METTL22: variants seen among roughly 807,000 people sequenced by gnomAD.
METTL22 encodes the protein methyltransferase 22, Kin17 lysine, also known as methyltransferase-like protein 22.
Under a neutral mutation model 48.4 loss-of-function variants are expected in METTL22, and 51 were observed. That is an observed-to-expected ratio of 1.05 (90% CI 0.84 to 1.33). METTL22 has a LOEUF of 1.33. Among genes scored for constraint, METTL22 ranks in the 40% most tolerant of loss-of-function variants. The pLI, the probability that METTL22 is intolerant of heterozygous loss-of-function variation, is 0.00. For missense variants in METTL22, 678 were observed against 526.9 expected (o/e 1.29, Z -2.81); for synonymous variants, 255 against 214.1 (o/e 1.19, Z -1.67).
intron 10 of METTL22, chr16:8,645,762 T>G: frequency 9.4e-6 from 3 of 320,386 alleles, no homozygotes; most frequent in Non-Finnish European, 1.5e-5. Context: ...GGCAACAGAA[T>G]GAGATCCTGT....
chr16:8,648,524 G>GC lies in METTL22; in HGVS notation c.*2381_*2382insC, dbSNP rs1596375665. 1 of 152,400 alleles carries GC rather than the reference G, an allele frequency of 6.6e-6. No individual in the cohort carries two copies. Among genetic ancestry groups the GC allele is most frequent in the East Asian group, 1.9e-4 (1 of 5,184 alleles). The allele number at this position is 152,400 out of a possible 1,614,324, so 9.4% of individuals were successfully genotyped here. On this transcript the variant is annotated 3_prime_UTR_variant, in exon 11 of 11. Transcript: ENST00000381920. ...TGCCTGTAATCCCAGCTACTTGGGA[G>GC]GCTGAGGCAGGAGAATCACTTGAAC...
At chr16:8,664,185 T>C in the METTL22 span, among the ~76,000 whole-genome samples, 1 of 151,964 alleles carries the variant, frequency 6.6e-6, no homozygotes, top group Non-Finnish European at 1.5e-5. Context: ...GCTCCTGGAC[T>C]CAAGCGATTC....
Position 8,625,509 on chromosome 16 carries a change from C to A in METTL22, c.-157C>A. On this transcript the variant is annotated 5_prime_UTR_variant, in exon 2 of 11. Coordinates refer to ENST00000381920, the MANE Select transcript of METTL22 (RefSeq NM_024109.4). ...ATTAATTTCCAGCTGGATTCTCTTC[C>A]CTGGCCAAGTCTCTGAGATCTTCTC... 1.9e-6 allele frequency: 1 copy of A among 525,972 alleles called. No homozygotes were observed. The highest frequency in any genetic ancestry group is 3.2e-6 in the Non-Finnish European group (1 of 311,054). 32.6% of individuals were successfully genotyped at this position (525,972 alleles called of 1,614,324 possible).
intron 5 of METTL22, among the ~76,000 whole-genome samples, chr16:8,637,983 C>CAAA (rs56246164): frequency 0.011 from 1,567 of 142,724 alleles, 17 homozygotes; most frequent in Non-Finnish European, 0.014. Flanking sequence ...ACTAAAAATA[C>CAAA]AAAAAAAAAA....
intron 3 of METTL22, among the ~76,000 whole-genome samples, chr16:8,633,961 T>C (rs888243675): frequency 2.6e-5 from 4 of 152,256 alleles, no homozygotes; most frequent in Non-Finnish European, 5.9e-5. Flanking sequence ...GAAGGAACTT[T>C]GCATCAGGTG....
At chr16:8,660,423 C>A in the METTL22 span, among the ~76,000 whole-genome samples, 2 of 152,088 alleles carry the variant, frequency 1.3e-5, no homozygotes, top group African/African-American at 4.8e-5. Flanking sequence ...AAGTGATCCG[C>A]CTGCTTCGGC....
chr16:8,635,055 G>C lies in METTL22; in HGVS notation c.531G>C (p.Thr177=). The change falls in exon 4 of 11, where the codon ACG becomes ACC. Residue 177 remains threonine, a synonymous_variant. Coordinates refer to ENST00000381920, the MANE Select transcript of METTL22 (RefSeq NM_024109.4). ...DIIRIEHTMA[T]PLEDVGKQVW... ...CCCATCCAGAGCACACCATGGCCAC[G>C]CCCCTGGAGGATGTTGGCAAGCAGG... 2 of 1,613,706 alleles carry C rather than the reference G, an allele frequency of 1.2e-6. No individual in the cohort carries two copies. Among genetic ancestry groups the C allele is most frequent in the Non-Finnish European group, 1.7e-6 (2 of 1,180,036 alleles).
intron 4 of METTL22, 43 bp from the exon 5 acceptor site, chr16:8,635,125 A>G: frequency 6.2e-7 from 1 of 1,613,958 alleles, no homozygotes; most frequent in Non-Finnish European, 8.5e-7. Flanking sequence ...GGGTCCCTGC[A>G]GAGCCTCACG....
At chr16:8,660,318 C>T in the METTL22 span, among the ~76,000 whole-genome samples, 12 of 152,052 alleles carry the variant, frequency 7.9e-5, no homozygotes, top group South Asian at 1.9e-3. Context: ...GAACTACAAG[C>T]GCACACCACC....
In METTL22 at chr16:8,628,976, G is replaced by A. The variant is rs201073068; in HGVS notation, c.380G>A (p.Arg127Lys). 2 of 1,613,954 alleles carry A rather than the reference G, an allele frequency of 1.2e-6. No individual in the cohort carries two copies. The highest frequency in any genetic ancestry group is 2.7e-5 in the African/African-American group (2 of 74,926). Reference sequence around the variant, plus strand: ...GATGGGGATTTGGACGTGGTGAGAAGACCACGAGCCGCCTCTGATTCCAAC... The same window carrying A: ...GATGGGGATTTGGACGTGGTGAGAAAACCACGAGCCGCCTCTGATTCCAAC... Reference protein sequence around the residue: ...DEDGDLDVVRRPRAASDSNPA... With the variant: ...DEDGDLDVVRKPRAASDSNPA... Residue 127 changes from arginine to lysine, a missense_variant, in exon 3 of 11, where the codon AGA (arginine) becomes AAA (lysine). By Grantham distance (26) the Arg-to-Lys change is conservative. Coordinates refer to ENST00000381920, the MANE Select transcript of METTL22 (RefSeq NM_024109.4).
the METTL22 span, among the ~76,000 whole-genome samples, chr16:8,661,183 A>G: frequency 1.3e-5 from 2 of 151,526 alleles, no homozygotes; most frequent in Non-Finnish European, 2.9e-5. Flanking sequence ...CCAGAAAGGA[A>G]TCCAAGGTAA....
At chr16:8,627,848 G>A (rs555023102) in intron 2 of METTL22, among the ~76,000 whole-genome samples, 1 of 152,290 alleles carries the variant, frequency 6.6e-6, no homozygotes, top group South Asian at 2.1e-4. Flanking sequence ...CCAGGCTCAG[G>A]TGATCCTCCC....
At chr16:8,645,698 CCCAGAAGTT>C (rs1329982008) in intron 10 of METTL22, among the ~76,000 whole-genome samples, 3 of 152,150 alleles carry the variant, frequency 2.0e-5, no homozygotes, top group African/African-American at 4.8e-5. Flanking sequence ...ATTGCTTGAG[CCCAGAAGTT>C]CAAGGCTGCA....
rs1182277106 is a variant in METTL22 at position 8,649,459 on chromosome 16, C to T, written c.*3316C>T. 6.6e-6 allele frequency: 1 copy of T among 152,070 alleles called. No individual in the cohort carries two copies. Among genetic ancestry groups the T allele is most frequent in the African/African-American group, 2.4e-5 (1 of 41,406 alleles). 9.4% of individuals were successfully genotyped at this position (152,070 alleles called of 1,614,324 possible). A position where few individuals can be genotyped will look rare whatever the true frequency, so the allele number is the denominator to read the frequency against. ...AAAAATATGTGACCCAAGGAGGGGA[C>T]TTGGCTGTTCAGCTGCAGCCTGCAT... On this transcript the variant is annotated 3_prime_UTR_variant, in exon 11 of 11. Transcript: ENST00000381920.
the METTL22 span, among the ~76,000 whole-genome samples, chr16:8,657,451 C>G: frequency 1.3e-5 from 2 of 152,162 alleles, no homozygotes; most frequent in Middle Eastern, 3.4e-3. Context: ...TGCAAAACAC[C>G]AACAATAGCT....
At chr16:8,657,051 C>A in the METTL22 span, among the ~76,000 whole-genome samples, 1 of 152,186 alleles carries the variant, frequency 6.6e-6, no homozygotes, top group African/African-American at 2.4e-5. Context: ...AGTCCCACCT[C>A]TTGATACTGT....
chr16:8,657,629 G>A, the METTL22 span, among the ~76,000 whole-genome samples: 1 of 152,080 alleles, frequency 6.6e-6, no homozygotes, highest in African/African-American at 2.4e-5. Flanking sequence ...TGAAACTATA[G>A]TGGGTTGAAT....
Position 8,629,079 on chromosome 16 carries a change from A to G in METTL22, c.483A>G (p.Ala161=). The stretch of plus-strand genomic sequence containing the variant: ...AAGACGACGTCCTGGGAGAGGAAGC[A>G]CAAGGCAGCCCGCACGATATCATCA... ...QEEDDVLGEE[A]QGSPHDIIRI... is the part of the protein sequence containing the mutation. The change falls in exon 3 of 11, where the codon GCA becomes GCG. Residue 161 remains alanine, a synonymous_variant. Transcript: ENST00000381920. The G allele has an allele frequency of 1.2e-6, 2 of 1,613,690 alleles. No individual in the cohort carries two copies. Among genetic ancestry groups the G allele is most frequent in the Non-Finnish European group, 1.7e-6 (2 of 1,179,996 alleles).
intron 3 of METTL22, among the ~76,000 whole-genome samples, chr16:8,634,298 C>T (rs191991591): frequency 3.3e-5 from 5 of 152,284 alleles, no homozygotes; most frequent in African/African-American, 9.6e-5. Flanking sequence ...TAGCTGTTAC[C>T]ATCTCACTTA....
Sources: gnomAD v4.1 joint callset for allele counts (sites outside exome capture counted in the v4.1 genomes callset) on GRCh38, gnomAD v4.1.1 for gene constraint, MANE v1.5 for transcripts, NCBI Gene and HGNC (gene_info 2026-07-23, HGNC 2026-07-21) for gene names.